SCAPER: variants seen among roughly 807,000 people sequenced by gnomAD.
SCAPER encodes S phase cyclin A-associated protein in the endoplasmic reticulum.
SCAPER carries 98 observed loss-of-function variants against 182.2 expected under a neutral mutation model. The ratio of observed to expected loss-of-function variants is 0.54; its 90% CI spans 0.46 to 0.64. The LOEUF is 0.64. Ranked by LOEUF, SCAPER falls within the 30% of genes least tolerant of loss-of-function variation. The probability of loss-of-function intolerance (pLI) is 0.00; values close to 1 mark genes in which losing one functional copy is unlikely to be tolerated. For missense variants in SCAPER, 1,432 were observed against 1,690.0 expected (o/e 0.85, Z 2.68); for synonymous variants, 605 against 564.6 (o/e 1.07, Z -1.01).
chr15:76,460,273 T>G (rs1342830297), intron 25 of SCAPER, among the ~76,000 whole-genome samples: 2 of 152,170 alleles, frequency 1.3e-5, no homozygotes, highest in Admixed American at 1.3e-4. Context: ...TGTAGATGTC[T>G]TTCACCTTTT....
chr15:76,668,434 T>A (rs2056780912), intron 20 of SCAPER, among the ~76,000 whole-genome samples: 1 of 152,174 alleles, frequency 6.6e-6, no homozygotes, highest in Non-Finnish European at 1.5e-5. Context: ...GAGTCATTGA[T>A]CTCTCTGATC....
At chr15:76,439,856 T>C (rs952638463) in intron 25 of SCAPER, among the ~76,000 whole-genome samples, 2 of 152,228 alleles carry the variant, frequency 1.3e-5, no homozygotes, top group Non-Finnish European at 2.9e-5. Context: ...TTTTGGTCCT[T>C]CTGAATCTCT....
Position 76,539,861 on chromosome 15 carries a change from AT to A in SCAPER, c.2838+34296del, listed in dbSNP as rs771140912. 7.2e-5 allele frequency among the ~76,000 whole-genome samples: 11 copies of A among 152,230 alleles called. No homozygotes were observed. The East Asian group carries it at 1.9e-3, about 27-fold the overall frequency. ...CGCCTGGCCTAAAATCAAAATTTCA[AT>A]TCCACATTCAGTAAATCTATCCTGG... On this transcript the variant is annotated intron_variant, in intron 23 of 31. Coordinates refer to ENST00000563290, the MANE Select transcript of SCAPER (RefSeq NM_020843.4).
rs186244123 is a variant in SCAPER, at chr15:76,400,473, G to A, written c.3467+4051C>T. On this transcript the variant is annotated intron_variant, in intron 27 of 31. Coordinates refer to ENST00000563290, the MANE Select transcript of SCAPER (RefSeq NM_020843.4). The stretch of plus-strand genomic sequence containing the variant: ...TATAGCTTAGAAATATAATTTTCAT[G>A]AAGAAATAAGCAGGAGAAAACAATC... Among the ~76,000 whole-genome samples the A allele has an allele frequency of 7.2e-5, 11 of 152,294 alleles. No homozygotes were observed. In the East Asian group the frequency reaches 2.1e-3, roughly 29 times the overall value.
chr15:76,645,373 CTT>C, intron 21 of SCAPER, among the ~76,000 whole-genome samples: 1 of 152,244 alleles, frequency 6.6e-6, no homozygotes, highest in South Asian at 2.1e-4. Context: ...TTGATTATCT[CTT>C]TATTAGTTAC....
chr15:76,684,596 C>T (rs1251594715), intron 20 of SCAPER, among the ~76,000 whole-genome samples: 1 of 151,288 alleles, frequency 6.6e-6, no homozygotes, highest in Non-Finnish European at 1.5e-5. Flanking sequence ...TAAGAAAGGG[C>T]TATAACTACA....
chr15:76,854,803 C>CAAAAA (rs35484908), intron 4 of SCAPER, among the ~76,000 whole-genome samples: 2 of 118,350 alleles, frequency 1.7e-5, no homozygotes. Flanking sequence ...ACTAAAAATA[C>CAAAAA]AAAAAAAAAA....
intron 17 of SCAPER, among the ~76,000 whole-genome samples, chr15:76,728,292 CT>C (rs2060712813): frequency 6.6e-6 from 1 of 151,430 alleles, no homozygotes. Flanking sequence ...CATTTCCAAA[CT>C]TGGTCCTCTA....
At chr15:76,882,710 G>A (rs988401958) in intron 2 of SCAPER, among the ~76,000 whole-genome samples, 1 of 152,176 alleles carries the variant, frequency 6.6e-6, no homozygotes, top group Non-Finnish European at 1.5e-5. Flanking sequence ...TATAGCCCAG[G>A]TTGGAGTGCA....
At chr15:76,701,642 C>A in intron 20 of SCAPER, 116 bp downstream of exon 20, 1 of 745,816 alleles carries the variant, frequency 1.3e-6, no homozygotes, top group South Asian at 1.8e-5. Context: ...CTATTAAGTG[C>A]TAAATATAGT....
chr15:76,769,225 G>T (rs925077600), intron 10 of SCAPER, among the ~76,000 whole-genome samples: 1 of 151,580 alleles, frequency 6.6e-6, no homozygotes, highest in Non-Finnish European at 1.5e-5. Flanking sequence ...GGTGGATCAC[G>T]AGGTCAGGAT....
chr15:76,643,334 C>T (rs1268513633), intron 21 of SCAPER, among the ~76,000 whole-genome samples: 5 of 152,122 alleles, frequency 3.3e-5, no homozygotes, highest in Admixed American at 2.0e-4. Context: ...GACTGTTGAA[C>T]TACTTCCTCA....
intron 8 of SCAPER, among the ~76,000 whole-genome samples, chr15:76,790,180 G>A (rs1178117530): frequency 1.3e-5 from 2 of 150,408 alleles, no homozygotes; most frequent in Admixed American, 6.6e-5. Context: ...GCAGTGAGCT[G>A]AGATTGCACC....
At chr15:76,803,178 T>C (rs548729724) in intron 6 of SCAPER, among the ~76,000 whole-genome samples, 2 of 152,358 alleles carry the variant, frequency 1.3e-5, no homozygotes, top group South Asian at 2.1e-4. Context: ...CCTAGCTCTC[T>C]AGGCTCATCT....
intron 16 of SCAPER, among the ~76,000 whole-genome samples, chr15:76,731,212 A>G (rs2060902466): frequency 6.6e-6 from 1 of 152,216 alleles, no homozygotes. Flanking sequence ...TAGAAATATA[A>G]CTAATTCTTA....
At chr15:76,453,345 G>A (rs1357021129) in intron 25 of SCAPER, among the ~76,000 whole-genome samples, 1 of 152,182 alleles carries the variant, frequency 6.6e-6, no homozygotes, top group African/African-American at 2.4e-5. Context: ...TATAGCAAAA[G>A]GATCTGGTTC....
intron 20 of SCAPER, among the ~76,000 whole-genome samples, chr15:76,668,087 T>C (rs1422224141): frequency 1.3e-5 from 2 of 152,252 alleles, no homozygotes; most frequent in Non-Finnish European, 2.9e-5. Flanking sequence ...CAAATTGTTC[T>C]TCTGAAAGTG....
In SCAPER at chr15:76,484,702, T is replaced by C. The variant is rs186307382; in HGVS notation, c.2955-13367A>G. ...GAATCCAGCAGCACATCAAAAAGCT[T>C]ATCCACCACAATCAAGTAGGCCTCA... On this transcript the variant is annotated intron_variant, in intron 24 of 31. Coordinates refer to ENST00000563290, the MANE Select transcript of SCAPER (RefSeq NM_020843.4). 5.7e-3 allele frequency among the ~76,000 whole-genome samples: 863 copies of C among 152,128 alleles called. 4 individuals carry two copies. Among genetic ancestry groups the C allele is most frequent in the Non-Finnish European group, 7.4e-3 (504 of 67,970 alleles).
At chr15:76,889,956 A>C (rs2074073937) in intron 1 of SCAPER, among the ~76,000 whole-genome samples, 1 of 151,824 alleles carries the variant, frequency 6.6e-6, no homozygotes. Context: ...AAGAAAAGAA[A>C]TCACAACAGT....
Sources: gnomAD v4.1 joint callset for allele counts (sites outside exome capture counted in the v4.1 genomes callset) on GRCh38, gnomAD v4.1.1 for gene constraint, MANE v1.5 for transcripts, NCBI Gene and HGNC (gene_info 2026-07-23, HGNC 2026-07-21) for gene names.